Variants in TTC7B observed in about 807,000 individuals in gnomAD.
TTC7B encodes the protein tetratricopeptide repeat domain 7B, also known as tetratricopeptide repeat protein 7B.
TTC7B carries 28 observed loss-of-function variants against 106.8 expected under a neutral mutation model. The observed-to-expected ratio is 0.26, with a 90% CI of 0.19 to 0.36. TTC7B has a LOEUF of 0.36. Among genes scored for constraint, TTC7B ranks in the 10% least tolerant of loss-of-function variants. The pLI, the probability that TTC7B is intolerant of heterozygous loss-of-function variation, is 1.00. For missense variants in TTC7B, 862 were observed against 1,076.4 expected, an observed-to-expected ratio of 0.80 and a Z score of 2.79; for synonymous variants, 405 against 430.6, an observed-to-expected ratio of 0.94 and a Z score of 0.74.
chr14:90,802,019 C>A lies in TTC7B; in HGVS notation c.121+14156G>T, dbSNP rs1351845724. Among the ~76,000 whole-genome samples, 1 of 151,584 alleles carries A rather than the reference C, an allele frequency of 6.6e-6. No individual in the cohort carries two copies. The highest frequency in any genetic ancestry group is 1.9e-4 in the East Asian group (1 of 5,162). On this transcript the variant is annotated intron_variant, in intron 1 of 19. Transcript: ENST00000328459. This position sits in a 1 kb window ranked among gnomAD's most constrained non-coding sequence, Gnocchi z 4.7. ...GAGGTTGCAGTGAGCCAAGATCGTGCCATTGTACTCCAGCCTGGACAACAA... is the reference window on the plus strand; with the variant it reads ...GAGGTTGCAGTGAGCCAAGATCGTGACATTGTACTCCAGCCTGGACAACAA...
At chr14:90,762,870 A>G (rs934526214) in intron 3 of TTC7B, among the ~76,000 whole-genome samples, 3 of 152,246 alleles carry the variant, frequency 2.0e-5, no homozygotes, top group African/African-American at 4.8e-5. Context: ...ATTAAAATCT[A>G]TTAAAACAAC....
chr14:90,580,389 G>A lies in TTC7B; in HGVS notation c.2108-2081C>T, dbSNP rs60243932. On this transcript the variant is annotated intron_variant, in intron 18 of 19. Coordinates refer to ENST00000328459, the MANE Select transcript of TTC7B (RefSeq NM_001010854.2). ...AAATGAGGAAACTGAGGTGCAGAAAGCGTGAACACCCTGCCCAAGTTCTCA... is the reference window on the plus strand; with the variant it reads ...AAATGAGGAAACTGAGGTGCAGAAAACGTGAACACCCTGCCCAAGTTCTCA... Among the ~76,000 whole-genome samples, 799 of 152,334 alleles carry A rather than the reference G, an allele frequency of 5.2e-3. 11 individuals carry two copies. The highest frequency in any genetic ancestry group is 0.018 in the African/African-American group (731 of 41,580).
intron 2 of TTC7B, among the ~76,000 whole-genome samples, chr14:90,781,322 G>T (rs922607661): frequency 2.0e-5 from 3 of 152,120 alleles, no homozygotes; most frequent in Non-Finnish European, 4.4e-5. Flanking sequence ...GTGATAATGG[G>T]GTTTCTTTGG....
At chr14:90,667,629 G>A (rs1041750170) in intron 9 of TTC7B, among the ~76,000 whole-genome samples, 22 of 152,022 alleles carry the variant, frequency 1.4e-4, no homozygotes, top group African/African-American at 4.4e-4. Flanking sequence ...GTTTTCTCTC[G>A]TTATACCTAC....
chr14:90,715,252 C>T (rs1888610114), intron 5 of TTC7B, among the ~76,000 whole-genome samples: 1 of 152,184 alleles, frequency 6.6e-6, no homozygotes, highest in Non-Finnish European at 1.5e-5. Flanking sequence ...TATGTTGGGG[C>T]TCATGAGGAT....
Position 90,655,099 on chromosome 14 carries a change from A to C in TTC7B, c.1353T>G (p.Ala451=). Reference sequence around the variant, plus strand: ...CAACGACAGTTTTGGCAAACTTTTCAGCCTCTTCCAACTGAAAAATGAGAC... The same window carrying C: ...CAACGACAGTTTTGGCAAACTTTTCCGCCTCTTCCAACTGAAAAATGAGAC... ...CMGSLHWLEE[A]EKFAKTVVDV... Residue 451 remains alanine, a synonymous_variant, in exon 12 of 20, where the codon GCT becomes GCG. Transcript: ENST00000328459. 1 of 1,613,724 alleles carries C rather than the reference A, an allele frequency of 6.2e-7. No homozygotes were observed. Among genetic ancestry groups the C allele is most frequent in the East Asian group, 2.2e-5 (1 of 44,886 alleles).
At chr14:90,559,363 T>C (rs973578528) in intron 19 of TTC7B, among the ~76,000 whole-genome samples, 2 of 152,212 alleles carry the variant, frequency 1.3e-5, no homozygotes, top group African/African-American at 4.8e-5. Context: ...GCAGGAGTCT[T>C]TGCGAATGCA....
intron 15 of TTC7B, among the ~76,000 whole-genome samples, chr14:90,637,871 T>C (rs184321134): frequency 5.3e-5 from 8 of 152,330 alleles, no homozygotes; most frequent in East Asian, 3.9e-4. Context: ...ATCTCTTAAA[T>C]AGTACCTACA....
rs867088475 is a variant in TTC7B, at chr14:90,600,310, C to A, written c.1967-6684G>T. The stretch of plus-strand genomic sequence containing the variant: ...GACTCCAGGTGGTGGCTCCTTGCAC[C>A]GCGCTGTCACAGCTCTCCTCTCCAT... On this transcript the variant is annotated intron_variant, in intron 17 of 19. Transcript: ENST00000328459. The surrounding 1 kb of genome is among the most constrained non-coding windows in gnomAD (Gnocchi z 4.3). 6.6e-6 allele frequency among the ~76,000 whole-genome samples: 1 copy of A among 152,150 alleles called. No homozygotes were observed. Among genetic ancestry groups the A allele is most frequent in the African/African-American group, 2.4e-5 (1 of 41,432 alleles).
Position 90,595,196 on chromosome 14 carries a change from G to A in TTC7B, c.1967-1570C>T, listed in dbSNP as rs145618623. Among the ~76,000 whole-genome samples, 426 of 152,236 alleles carry A rather than the reference G, an allele frequency of 2.8e-3. 11 individuals carry two copies. The East Asian group carries it at 0.07, about 25-fold the overall frequency. On this transcript the variant is annotated intron_variant, in intron 17 of 19. Transcript: ENST00000328459. The stretch of plus-strand genomic sequence containing the variant: ...AAAATACAAAAAATTAGCCAGGCGC[G>A]GTGGCAGGTGCCTGTAATCCCAGCT...
chr14:90,622,955 C>T (rs1380120579), intron 15 of TTC7B, among the ~76,000 whole-genome samples: 2 of 152,120 alleles, frequency 1.3e-5, no homozygotes, highest in African/African-American at 2.4e-5. Context: ...CCACTCGAGC[C>T]GTGGTCAGCT....
rs886069842 is a variant in TTC7B at position 90,608,994 on chromosome 14, G to A, written c.1966+1748C>T. Among the ~76,000 whole-genome samples, 2 of 152,172 alleles carry A rather than the reference G, an allele frequency of 1.3e-5. No homozygotes were observed. The highest frequency in any genetic ancestry group is 2.9e-5 in the Non-Finnish European group (2 of 68,036). On this transcript the variant is annotated intron_variant, in intron 17 of 19. Coordinates refer to ENST00000328459, the MANE Select transcript of TTC7B (RefSeq NM_001010854.2). This position sits in a 1 kb window ranked among gnomAD's most constrained non-coding sequence, Gnocchi z 5.1. ...TTTTGAATCAGCTGAAATTGCTGCT[G>A]GTGCTATAGTGAGTTTCACTTCCTT... is the stretch of plus-strand genomic sequence containing the variant.
At chr14:90,544,539 C>A (rs1329063861) in intron 19 of TTC7B, among the ~76,000 whole-genome samples, 1 of 152,198 alleles carries the variant, frequency 6.6e-6, no homozygotes, top group East Asian at 1.9e-4. Flanking sequence ...AATCTGACAA[C>A]TCCACATTCT....
chr14:90,617,597 T>C (rs1043404660), intron 16 of TTC7B, among the ~76,000 whole-genome samples: 1 of 152,152 alleles, frequency 6.6e-6, no homozygotes, highest in Non-Finnish European at 1.5e-5. Context: ...GGTCTATACA[T>C]AAATTACCAG....
intron 4 of TTC7B, among the ~76,000 whole-genome samples, chr14:90,730,474 C>G (rs1566859938): frequency 6.6e-6 from 1 of 152,188 alleles, no homozygotes; most frequent in East Asian, 1.9e-4. Flanking sequence ...GTAAGAAGCA[C>G]TAGAGGCGGA....
At chr14:90,682,347 C>G (rs1220384359) in intron 7 of TTC7B, among the ~76,000 whole-genome samples, 1 of 152,208 alleles carries the variant, frequency 6.6e-6, no homozygotes, top group African/African-American at 2.4e-5. Context: ...CCTCTACCCT[C>G]CCTATTTGTG....
intron 4 of TTC7B, among the ~76,000 whole-genome samples, chr14:90,733,194 G>A (rs981773560): frequency 1.3e-5 from 2 of 151,844 alleles, no homozygotes; most frequent in Non-Finnish European, 2.9e-5. Flanking sequence ...TGGGTACATC[G>A]CTATCTCATG....
At chr14:90,661,800 G>C (rs1456259072) in intron 9 of TTC7B, among the ~76,000 whole-genome samples, 1 of 152,136 alleles carries the variant, frequency 6.6e-6, no homozygotes, top group Non-Finnish European at 1.5e-5. Context: ...AATATCAACT[G>C]TTTTCCTGAT....
At chr14:90,726,740 C>T (rs1209411751) in intron 5 of TTC7B, among the ~76,000 whole-genome samples, 4 of 152,330 alleles carry the variant, frequency 2.6e-5, no homozygotes, top group African/African-American at 9.6e-5. Context: ...TTTGGCGAGG[C>T]GACTTGGAGC....
Sources: gnomAD v4.1 joint callset for allele counts (sites outside exome capture counted in the v4.1 genomes callset) on GRCh38, gnomAD v4.1.1 for gene constraint, Gnocchi (gnomAD v3.1) non-coding constraint, MANE v1.5 for transcripts, NCBI Gene and HGNC (gene_info 2026-07-23, HGNC 2026-07-21) for gene names.